Variants in RASAL2 observed in about 807,000 individuals in gnomAD.
RASAL2 encodes the protein RAS protein activator like 2, also known as ras GTPase-activating protein nGAP.
In RASAL2, 58 loss-of-function variants were observed where a neutral mutation model predicts 128.9. That is an observed-to-expected ratio of 0.45 (90% CI 0.36 to 0.56). The LOEUF (loss-of-function observed/expected upper bound fraction) is 0.56. RASAL2 is among the 20% of genes least tolerant of loss of function. The pLI, the probability that RASAL2 is intolerant of heterozygous loss-of-function variation, is 0.00. For missense variants in RASAL2, 1,360 were observed against 1,601.6 expected (o/e 0.85, Z 2.57); for synonymous variants, 561 against 580.8 (o/e 0.97, Z 0.49).
intron 1 of RASAL2, among the ~76,000 whole-genome samples, chr1:178,165,092 A>G (rs1195186727): frequency 2.6e-5 from 4 of 152,074 alleles, no homozygotes; most frequent in Non-Finnish European, 4.4e-5. Context: ...TCACCATTTT[A>G]TATAAGAGTC....
At chr1:178,141,205 T>TTTTTC (rs1558076601) in intron 1 of RASAL2, among the ~76,000 whole-genome samples, 1 of 139,980 alleles carries the variant, frequency 7.1e-6, no homozygotes, top group African/African-American at 2.7e-5. Context: ...TTTTTTTTTT[T>TTTTTC]TTTTTTTTTT....
intron 1 of RASAL2, among the ~76,000 whole-genome samples, chr1:178,117,985 T>C (rs1659575265): frequency 6.6e-6 from 1 of 151,892 alleles, no homozygotes; most frequent in African/African-American, 2.4e-5. Context: ...ACCAACATGA[T>C]GAAACTCCGT....
chr1:178,438,949 G>T (rs1310966408), intron 5 of RASAL2, among the ~76,000 whole-genome samples: 1 of 142,370 alleles, frequency 7.0e-6, no homozygotes, highest in African/African-American at 2.5e-5. Flanking sequence ...AAAGTAGAAA[G>T]AAACAAAATG....
At position 178,408,605 on chromosome 1, in the gene RASAL2, TTTTTTTG is replaced by T. The variant is rs1053958154; in HGVS notation, c.565-11887_565-11881del. ...TTTTGTTGTTGTTGTTTGGTTGGTT[TTTTTTTG>T]TTTTTTGTTTTTTGTTTTGCTTCTC... is the stretch of plus-strand genomic sequence containing the variant. On this transcript the variant is annotated intron_variant, in intron 4 of 17. Transcript: ENST00000367649. Among the ~76,000 whole-genome samples, 60 of 149,570 alleles carry T rather than the reference TTTTTTTG, an allele frequency of 4.0e-4. 1 individual carries two copies. The highest frequency in any genetic ancestry group is 1.4e-3 in the South Asian group (7 of 4,834).
At chr1:178,390,382 A>G (rs1324824672) in intron 4 of RASAL2, among the ~76,000 whole-genome samples, 176 bp downstream of exon 4, 2 of 152,076 alleles carry the variant, frequency 1.3e-5, no homozygotes, top group Non-Finnish European at 2.9e-5. Context: ...TTAATTGTCA[A>G]CTACTTTCTT....
intron 3 of RASAL2, among the ~76,000 whole-genome samples, chr1:178,315,097 T>C (rs1223001545): frequency 6.9e-6 from 1 of 144,304 alleles, no homozygotes; most frequent in African/African-American, 2.6e-5. Context: ...ATTTCATCCA[T>C]GTCCCTACAA....
At chr1:178,451,760 T>C (rs752403936) in intron 10 of RASAL2, 45 bp downstream of exon 10, 4 of 1,573,546 alleles carry the variant, frequency 2.5e-6, no homozygotes, top group Non-Finnish European at 3.5e-6. Flanking sequence ...CATGTAAAGG[T>C]CATCACAGTG....
intron 1 of RASAL2, among the ~76,000 whole-genome samples, chr1:178,226,522 G>GTTGTA (rs1470944450): frequency 6.6e-6 from 1 of 152,116 alleles, no homozygotes; most frequent in Non-Finnish European, 1.5e-5. Flanking sequence ...AAACGGTTGT[G>GTTGTA]TTGTAATACT....
chr1:178,349,850 T>C (rs1670365173), intron 3 of RASAL2, among the ~76,000 whole-genome samples: 1 of 152,168 alleles, frequency 6.6e-6, no homozygotes, highest in South Asian at 2.1e-4. Context: ...AAATAACAGC[T>C]TTTTCATCAT....
chr1:178,351,538 T>G (rs960248227), intron 3 of RASAL2, among the ~76,000 whole-genome samples: 1 of 152,112 alleles, frequency 6.6e-6, no homozygotes, highest in African/African-American at 2.4e-5. Context: ...AAGACCATCC[T>G]GGCTAACACA....
intron 2 of RASAL2, among the ~76,000 whole-genome samples, chr1:178,290,360 C>T (rs1316893115): frequency 6.6e-6 from 1 of 152,024 alleles, no homozygotes; most frequent in Non-Finnish European, 1.5e-5. Context: ...TATATCTACC[C>T]AGAACATGTA....
At chr1:178,172,135 G>A (rs1661726507) in intron 1 of RASAL2, among the ~76,000 whole-genome samples, 1 of 151,950 alleles carries the variant, frequency 6.6e-6, no homozygotes, top group South Asian at 2.1e-4. Flanking sequence ...ATTAATAGGA[G>A]ATGAAAGACA....
At chr1:178,208,464 A>C (rs1391811928) in intron 1 of RASAL2, among the ~76,000 whole-genome samples, 1 of 152,154 alleles carries the variant, frequency 6.6e-6, no homozygotes, top group Non-Finnish European at 1.5e-5. Context: ...CCTCAGGCTT[A>C]CTAGGGTGGG....
At chr1:178,170,278 A>G (rs1338576587) in intron 1 of RASAL2, among the ~76,000 whole-genome samples, 1 of 151,916 alleles carries the variant, frequency 6.6e-6, no homozygotes. Flanking sequence ...AGATACAGCA[A>G]ATTGTCCCAT....
intron 1 of RASAL2, among the ~76,000 whole-genome samples, chr1:178,151,637 C>T (rs1374676565): frequency 1.3e-5 from 2 of 152,144 alleles, no homozygotes; most frequent in African/African-American, 4.8e-5. Flanking sequence ...TAGCTCACCT[C>T]CAAAATGGCC....
At chr1:178,228,598 T>C (rs905984053) in intron 1 of RASAL2, among the ~76,000 whole-genome samples, 1 of 152,142 alleles carries the variant, frequency 6.6e-6, no homozygotes, top group Non-Finnish European at 1.5e-5. Context: ...AAAAGAATTT[T>C]GGTAGTTTTT....
At chr1:178,437,725 G>A (rs551303373) in intron 5 of RASAL2, among the ~76,000 whole-genome samples, 1 of 152,120 alleles carries the variant, frequency 6.6e-6, no homozygotes, top group South Asian at 2.1e-4. Context: ...GGCTTCCCGT[G>A]TAGCATATTG....
chr1:178,221,813 G>T (rs757648037), intron 1 of RASAL2, among the ~76,000 whole-genome samples: 5 of 152,084 alleles, frequency 3.3e-5, no homozygotes, highest in Non-Finnish European at 7.4e-5. Context: ...TATTCTCACC[G>T]ATTTTCTGCC....
At chr1:178,168,599 G>A (rs1661596623) in intron 1 of RASAL2, among the ~76,000 whole-genome samples, 1 of 152,026 alleles carries the variant, frequency 6.6e-6, no homozygotes, top group Non-Finnish European at 1.5e-5. Flanking sequence ...CCATCTTTAT[G>A]TGGCCTGCAG....
Sources: gnomAD v4.1 joint callset for allele counts (sites outside exome capture counted in the v4.1 genomes callset) on GRCh38, gnomAD v4.1.1 for gene constraint, MANE v1.5 for transcripts, NCBI Gene and HGNC (gene_info 2026-07-23, HGNC 2026-07-21) for gene names.